Variants in NUP205 observed in about 807,000 individuals in gnomAD.
NUP205 encodes nucleoporin 205, also known as nuclear pore complex protein Nup205.
In NUP205, 76 loss-of-function variants were observed where a neutral mutation model predicts 253.8. The observed-to-expected ratio is 0.30, with a 90% CI of 0.25 to 0.36. The LOEUF is 0.36. NUP205 is among the 10% of genes least tolerant of loss of function. The probability of loss-of-function intolerance (pLI) is 1.00; values close to 1 mark genes in which losing one functional copy is unlikely to be tolerated. For missense variants in NUP205, 2,162 were observed against 2,425.5 expected, an observed-to-expected ratio of 0.89 and a Z score of 2.28; for synonymous variants, 832 against 850.1, an observed-to-expected ratio of 0.98 and a Z score of 0.37.
intron 36 of NUP205, among the ~76,000 whole-genome samples, chr7:135,636,400 G>C (rs1794811426): frequency 6.6e-6 from 1 of 152,012 alleles, no homozygotes; most frequent in Non-Finnish European, 1.5e-5. Context: ...ATAACACATG[G>C]TATCACTGGG....
Position 135,601,222 on chromosome 7 carries a change from G to C in NUP205, c.2375-148G>C. On this transcript the variant is annotated intron_variant, in intron 16 of 42. Transcript: ENST00000285968. ...CTGCTTTGTGCAGATTTGCCCTTAG[G>C]AGAATTACTGCTGTGTCTCTAAATT... 1.3e-5 allele frequency: 9 copies of C among 715,798 alleles called. No homozygotes were observed. In the South Asian group the frequency reaches 1.9e-4, roughly 15 times the overall value. 44.3% of individuals were successfully genotyped at this position (715,798 alleles called of 1,614,324 possible).
intron 37 of NUP205, 68 bp downstream of exon 37, chr7:135,638,127 G>C (rs1794849844): frequency 6.5e-7 from 1 of 1,536,216 alleles, no homozygotes; most frequent in African/African-American, 1.4e-5. Flanking sequence ...TAACAGATGT[G>C]GACCTGGTGC....
intron 1 of NUP205, among the ~76,000 whole-genome samples, chr7:135,568,171 G>A (rs572987431): frequency 3.3e-5 from 5 of 151,542 alleles, no homozygotes; most frequent in African/African-American, 9.7e-5. Flanking sequence ...TGCAGTGAGC[G>A]GAGATTGTGC....
intron 17 of NUP205, 112 bp downstream of exon 17, chr7:135,601,619 T>G (rs1054505267): frequency 8.7e-7 from 1 of 1,143,974 alleles, no homozygotes; most frequent in Non-Finnish European, 1.2e-6. Context: ...TGTAAGATTC[T>G]CTCTCTGTAT....
chr7:135,622,333 G>A (rs1011346258), intron 30 of NUP205, among the ~76,000 whole-genome samples: 1 of 150,510 alleles, frequency 6.6e-6, no homozygotes, highest in Non-Finnish European at 1.5e-5. Flanking sequence ...TGAGGCAGGA[G>A]AATCGCTTGA....
intron 1 of NUP205, among the ~76,000 whole-genome samples, chr7:135,564,547 C>T (rs983254526): frequency 6.6e-6 from 1 of 151,284 alleles, no homozygotes; most frequent in Admixed American, 6.6e-5. Context: ...CACGCCCGGC[C>T]TGTTTTTTTT....
intron 39 of NUP205, 150 bp from the exon 40 acceptor site, chr7:135,644,745 T>G (rs1794974796): frequency 2.9e-6 from 2 of 695,482 alleles, no homozygotes; most frequent in East Asian, 6.0e-5. Flanking sequence ...TAAAAATTGC[T>G]AGCTTCTTAG....
Position 135,613,919 on chromosome 7 carries a change from A to G in NUP205, c.3196-240A>G, listed in dbSNP as rs186439832. 627 of 250,000 alleles carry G rather than the reference A, an allele frequency of 2.5e-3. 2 individuals carry two copies. Among genetic ancestry groups the G allele is most frequent in the Non-Finnish European group, 4.0e-3 (529 of 130,748 alleles). 15.5% of individuals were successfully genotyped at this position (250,000 alleles called of 1,614,324 possible). A position where few individuals can be genotyped will look rare whatever the true frequency, so the allele number is the denominator to read the frequency against. Reference sequence around the variant, plus strand: ...TGTATATATTAATAAGTATATTAATAATAGTTGTGTAATAATGTCACCAGC... The same window carrying G: ...TGTATATATTAATAAGTATATTAATGATAGTTGTGTAATAATGTCACCAGC... On this transcript the variant is annotated intron_variant, in intron 22 of 42. Coordinates refer to ENST00000285968, the MANE Select transcript of NUP205 (RefSeq NM_015135.3).
intron 5 of NUP205, 127 bp downstream of exon 5, chr7:135,577,255 C>G: frequency 1.1e-6 from 1 of 890,120 alleles, no homozygotes; most frequent in Non-Finnish European, 1.7e-6. Flanking sequence ...TGCCACTTTT[C>G]TTTTTTTTTG....
chr7:135,596,177 G>A (rs560552912), intron 13 of NUP205, among the ~76,000 whole-genome samples: 2 of 152,080 alleles, frequency 1.3e-5, no homozygotes, highest in South Asian at 2.1e-4. Context: ...CAGGTGATCC[G>A]CCTGCCTTGG....
chr7:135,604,262 T>G, intron 18 of NUP205, 78 bp from the exon 19 acceptor site: 3 of 1,305,486 alleles, frequency 2.3e-6, no homozygotes, highest in Non-Finnish European at 3.1e-6. Context: ...AAGCCCTGGT[T>G]CTAAATTTTC....
At chr7:135,561,483 C>A (rs1198947191) in intron 1 of NUP205, among the ~76,000 whole-genome samples, 1 of 152,240 alleles carries the variant, frequency 6.6e-6, no homozygotes, top group Non-Finnish European at 1.5e-5. Flanking sequence ...CACTGCTTGG[C>A]AGTCCTTCTG....
chr7:135,571,079 G>A, intron 1 of NUP205, 26 bp from the exon 2 acceptor site: 3 of 1,528,936 alleles, frequency 2.0e-6, no homozygotes, highest in Non-Finnish European at 2.6e-6. Flanking sequence ...TTCTTTGACG[G>A]TGGTTTCATT....
At chr7:135,580,768 A>T (rs1398423187) in intron 7 of NUP205, among the ~76,000 whole-genome samples, 2 of 152,144 alleles carry the variant, frequency 1.3e-5, no homozygotes, top group Non-Finnish European at 2.9e-5. Flanking sequence ...CAGGTGTGAT[A>T]GTTAATATAT....
intron 23 of NUP205, among the ~76,000 whole-genome samples, chr7:135,614,982 T>C (rs1489522086): frequency 2.6e-5 from 4 of 152,250 alleles, no homozygotes; most frequent in African/African-American, 9.6e-5. Flanking sequence ...GTAATGGCGT[T>C]AGACCTCTGA....
intron 3 of NUP205, among the ~76,000 whole-genome samples, chr7:135,574,811 C>T (rs887874646): frequency 6.6e-6 from 1 of 152,164 alleles, no homozygotes; most frequent in Non-Finnish European, 1.5e-5. Flanking sequence ...ATACTATAAG[C>T]AGTTTGTTTT....
chr7:135,638,734 T>A (rs1335216152), intron 38 of NUP205, 51 bp downstream of exon 38: 1 of 1,594,216 alleles, frequency 6.3e-7, no homozygotes, highest in Non-Finnish European at 8.6e-7. Flanking sequence ...GCTATGGTTA[T>A]GACATAGCTC....
At chr7:135,563,250 T>C (rs1050012998) in intron 1 of NUP205, among the ~76,000 whole-genome samples, 3 of 152,020 alleles carry the variant, frequency 2.0e-5, no homozygotes, top group South Asian at 2.1e-4. Flanking sequence ...TGCAGTGGCG[T>C]GATCTCGGCT....
At chr7:135,569,274 T>G (rs546048235) in intron 1 of NUP205, among the ~76,000 whole-genome samples, 50 of 152,288 alleles carry the variant, frequency 3.3e-4, no homozygotes, top group African/African-American at 9.6e-4. Context: ...GGTTTCACCA[T>G]GTAGGCCAGG....
Sources: allele counts gnomAD v4.1 joint callset (sites outside exome capture counted in the v4.1 genomes callset), GRCh38; gene constraint gnomAD v4.1.1; transcripts MANE v1.5; gene names NCBI Gene and HGNC (gene_info 2026-07-23, HGNC 2026-07-21).